Variants in HJV observed in about 807,000 individuals in gnomAD.
HJV encodes the protein hemojuvelin.
Under a neutral mutation model 22.7 loss-of-function variants are expected in HJV, and 18 were observed. That is an observed-to-expected ratio of 0.79 (90% confidence interval 0.55 to 1.18). HJV has a LOEUF of 1.18. Ranked by LOEUF, HJV falls within the 50% of genes most tolerant of loss-of-function variation. The pLI is 0.00. For missense variants in HJV, 572 were observed against 553.0 expected, an observed-to-expected ratio of 1.03 and a Z score of -0.34; for synonymous variants, 229 against 222.7, an observed-to-expected ratio of 1.03 and a Z score of -0.25.
At chr1:146,018,955 C>T (rs587603877) in intron 3 of HJV, among the ~76,000 whole-genome samples, 1 of 152,344 alleles carries the variant, frequency 6.6e-6, no homozygotes, top group South Asian at 2.1e-4. Context: ...CCCTCTCCGA[C>T]TGTCTCTTCA....
intron 1 of HJV, among the ~76,000 whole-genome samples, 164 bp downstream of exon 1, chr1:146,021,423 C>T (rs587738819): frequency 1.1e-4 from 17 of 152,178 alleles, no homozygotes; most frequent in Admixed American, 7.9e-4. Context: ...GGCCAGAGGC[C>T]AGAAAGAAAT....
At chr1:146,021,220 T>C (rs1463757181) in intron 1 of HJV, among the ~76,000 whole-genome samples, 2 of 152,182 alleles carry the variant, frequency 1.3e-5, no homozygotes, top group Admixed American at 6.5e-5. Context: ...AGGGCATTGC[T>C]AAGTGGGGGC....
At chr1:146,018,723 A>T in intron 3 of HJV, 23 bp from the exon 4 acceptor site, 1 of 1,613,808 alleles carries the variant, frequency 6.2e-7, no homozygotes, top group Admixed American at 1.7e-5. Context: ...GAGGGAAAAC[A>T]GTTCATTTTG....
chr1:146,019,941 G>A (rs1370303422), intron 2 of HJV, among the ~76,000 whole-genome samples, 194 bp downstream of exon 2: 1 of 151,982 alleles, frequency 6.6e-6, no homozygotes, highest in Non-Finnish European at 1.5e-5. Flanking sequence ...CATCTCTTCT[G>A]CCTGTCGACC....
chr1:146,019,876 A>AC (rs1389726431), intron 2 of HJV, 142 bp from the exon 3 acceptor site: 2 of 1,306,374 alleles, frequency 1.5e-6, no homozygotes, highest in Non-Finnish European at 2.2e-6. Flanking sequence ...CCAGCCCCCA[A>AC]CCCCCTAGTC....
In HJV at chr1:146,019,710, CGGAG is replaced by C; in HGVS notation, c.118_121del (p.Leu40AlafsTer11). ...GGACGATACGTACTCAGCATTGCAG[CGGAG>C]GATCTTGCATTGAGAATGAGCTAAA... On this transcript the variant is annotated frameshift_variant, in exon 3 of 4. Coordinates refer to ENST00000336751, the MANE Select transcript of HJV (RefSeq NM_213653.4). LOFTEE classifies it high-confidence loss of function. The C allele has an allele frequency of 3.7e-6, 6 of 1,614,036 alleles. No homozygotes were observed. The highest frequency in any genetic ancestry group is 5.1e-6 in the Non-Finnish European group (6 of 1,179,992).
Position 146,020,172 on chromosome 1 carries a change from T to A in HJV, c.60A>T (p.Leu20=). ...PRSSHGSPPT[L]STLTLLLLLC... ...GGAGCAGCAGGAGAGTGAGAGTGCT[T>A]AGAGTTGGGGGACTGCCATGGGAGG... Residue 20 remains leucine (L), a synonymous_variant, in exon 2 of 4, where the codon CTA becomes CTT. Transcript: ENST00000336751. 1 of 1,613,048 alleles carries A rather than the reference T, an allele frequency of 6.2e-7. No individual in the cohort carries two copies. Among genetic ancestry groups the A allele is most frequent in the Non-Finnish European group, 8.5e-7 (1 of 1,179,210 alleles).
At chr1:146,019,084 G>A (rs1241803711) in intron 3 of HJV, 91 bp downstream of exon 3, 6 of 1,063,232 alleles carry the variant, frequency 5.6e-6, no homozygotes, top group Non-Finnish European at 8.8e-6. Flanking sequence ...GGGAATTAGG[G>A]AGCATTGCTG....
chr1:146,019,180 G>C lies in HJV; in HGVS notation c.652C>G (p.Arg218Gly). ...MALGANATAT[R>G]KLTIIFKNMQ... ...AGGAAGATTGAGTGCCTGACCTTCC[G>C]GGTGGCGGTAGCGTTGGCCCCCAAC... is the stretch of plus-strand genomic sequence containing the variant. The change falls in exon 3 of 4, where the codon CGG (arginine) becomes GGG (glycine). Residue 218 changes from arginine to glycine, a missense_variant. Physicochemically the swap from Arg to Gly is moderately radical, Grantham distance 125. Transcript: ENST00000336751. The C allele has an allele frequency of 6.2e-7, 1 of 1,613,648 alleles. No homozygotes were observed. The highest frequency in any genetic ancestry group is 8.5e-7 in the Non-Finnish European group (1 of 1,179,568).
rs1553769486 is a variant in HJV, at chr1:146,018,515, A to C, written c.843T>G (p.Ile281Met). The change falls in exon 4 of 4, where the codon ATT (isoleucine) becomes ATG (methionine). Residue 281 changes from isoleucine (I) to methionine (M), a missense_variant. Transcript: ENST00000336751. Reference sequence around the variant, plus strand: ...TCTGCCGAATGATTATAGTTGTGCCAATGTAGGCAGCTTGGATCTCCACAT... The same window carrying C: ...TCTGCCGAATGATTATAGTTGTGCCCATGTAGGCAGCTTGGATCTCCACAT... ...GNHVEIQAAY[I>M]GTTIIIRQTA... 6.2e-7 allele frequency: 1 copy of C among 1,614,176 alleles called. No homozygotes were observed. The highest frequency in any genetic ancestry group is 8.5e-7 in the Non-Finnish European group (1 of 1,180,032).
chr1:146,020,271 G>C lies in HJV; in HGVS notation c.-40C>G. 3 of 1,288,508 alleles carry C rather than the reference G, an allele frequency of 2.3e-6. No individual in the cohort carries two copies. The highest frequency in any genetic ancestry group is 3.4e-6 in the Non-Finnish European group (3 of 882,898). The allele number at this position is 1,288,508 out of a possible 1,614,324, so 79.8% of individuals were successfully genotyped here. ...GTTTCCCAGGCGCCGGTTCTTCCCA[G>C]CTGATGACCCTCCTACCTAGTGAAT... On this transcript the variant is annotated 5_prime_UTR_variant, in exon 2 of 4. Coordinates refer to ENST00000336751, the MANE Select transcript of HJV (RefSeq NM_213653.4).
Position 146,019,351 on chromosome 1 carries a change from G to T in HJV, c.481C>A (p.Pro161Thr). 2 of 1,613,816 alleles carry T rather than the reference G, an allele frequency of 1.2e-6. No individual in the cohort carries two copies. The highest frequency in any genetic ancestry group is 1.7e-6 in the Non-Finnish European group (2 of 1,180,028). Reference sequence around the variant, plus strand: ...GAAGCGCAATGCAAGAACCCCGGGGGACGACCATGCAGCCGGGAAAACCGG... The same window carrying T: ...GAAGCGCAATGCAAGAACCCCGGGGTACGACCATGCAGCCGGGAAAACCGG... Reference protein sequence around the residue: ...EGRFSRLHGRPPGFLHCASFG... With the variant: ...EGRFSRLHGRTPGFLHCASFG... Residue 161 changes from proline (P) to threonine (T), a missense_variant, in exon 3 of 4, where the codon CCC becomes ACC. Transcript: ENST00000336751.
rs1553769402 is a variant in HJV, at chr1:146,018,277, AG to A, written c.1080del (p.Cys361ValfsTer6). ...CCAGAAATTAAAACATCAAAGACACAGGAATGGAAGTAAGCATCTTCCACTG... is the reference window on the plus strand; with the variant it reads ...CCAGAAATTAAAACATCAAAGACACAGAATGGAAGTAAGCATCTTCCACTG... Reference protein sequence around the residue: ...GLPVEDAYFHSCVFDVLISGD... With the variant: ...GLPVEDAYFHXCVFDVLISGD... On this transcript the variant is annotated frameshift_variant, in exon 4 of 4. Coordinates refer to ENST00000336751, the MANE Select transcript of HJV (RefSeq NM_213653.4). LOFTEE classifies it high-confidence loss of function. 6.2e-7 allele frequency: 1 copy of A among 1,614,180 alleles called. No homozygotes were observed. Among genetic ancestry groups the A allele is most frequent in the Non-Finnish European group, 8.5e-7 (1 of 1,180,034 alleles).
Position 146,018,363 on chromosome 1 carries a change from C to A in HJV, c.995G>T (p.Arg332Leu). 1 of 1,614,164 alleles carries A rather than the reference C, an allele frequency of 6.2e-7. No individual in the cohort carries two copies. Among genetic ancestry groups the A allele is most frequent in the Non-Finnish European group, 8.5e-7 (1 of 1,180,044 alleles). ...PPSQRLSRSE[R>L]NRRGAITIDT... ...AATGGTTATAGCTCCCCGACGATTG[C>A]GCTCTGATCGAGAGAGTCGCTGACT... The change falls in exon 4 of 4, where the codon CGC becomes CTC. Residue 332 changes from arginine to leucine, a missense_variant. Coordinates refer to ENST00000336751, the MANE Select transcript of HJV (RefSeq NM_213653.4).
At position 146,019,608 on chromosome 1, in the gene HJV, C is replaced by A; in HGVS notation, c.224G>T (p.Gly75Val). The change falls in exon 3 of 4, where the codon GGC becomes GTC. Residue 75 changes from glycine to valine, a missense_variant. Gly to Val is a moderately radical substitution (Grantham distance 109). Coordinates refer to ENST00000336751, the MANE Select transcript of HJV (RefSeq NM_213653.4). ...GGGGGRGGGV[G>V]SGGLCRALRS... is the part of the protein sequence containing the mutation. Reference sequence around the variant, plus strand: ...GAGGGCTCGACAGAGGCCGCCAGAGCCCACCCCTCCACCCCGGCCTCCTCC... The same window carrying A: ...GAGGGCTCGACAGAGGCCGCCAGAGACCACCCCTCCACCCCGGCCTCCTCC... 6.2e-7 allele frequency: 1 copy of A among 1,612,486 alleles called. No individual in the cohort carries two copies.
rs1054228261 is a variant in HJV, at chr1:146,019,701, G to T, written c.131C>A (p.Ala44Asp). ...HSQCKILRCNAEYVSSTLSLR... is the reference protein window; with the variant it reads ...HSQCKILRCNDEYVSSTLSLR... ...GCTCAGAGTGGACGATACGTACTCA[G>T]CATTGCAGCGGAGGATCTTGCATTG... is the stretch of plus-strand genomic sequence containing the variant. Residue 44 changes from alanine to aspartate, a missense_variant, in exon 3 of 4, where the codon GCT (alanine) becomes GAT (aspartate). Physicochemically the swap from Ala to Asp is moderately radical, Grantham distance 126 (BLOSUM62 -2). Coordinates refer to ENST00000336751, the MANE Select transcript of HJV (RefSeq NM_213653.4). The T allele has an allele frequency of 6.2e-7, 1 of 1,614,052 alleles. No homozygotes were observed. Among genetic ancestry groups the T allele is most frequent in the Non-Finnish European group, 8.5e-7 (1 of 1,179,972 alleles).
At chr1:146,019,787 C>A in intron 2 of HJV, 53 bp from the exon 3 acceptor site, 1 of 1,613,360 alleles carries the variant, frequency 6.2e-7, no homozygotes, top group Non-Finnish European at 8.5e-7. Flanking sequence ...TCTGCTCTAT[C>A]GGAGTGTAGT....
chr1:146,018,309 C>A lies in HJV; in HGVS notation c.1049G>T (p.Gly350Val), dbSNP rs1553769409. 2 of 1,614,044 alleles carry A rather than the reference C, an allele frequency of 1.2e-6. No homozygotes were observed. Among genetic ancestry groups the A allele is most frequent in the Non-Finnish European group, 1.7e-6 (2 of 1,180,044 alleles). Reference sequence around the variant, plus strand: ...GAAGTAAGCATCTTCCACTGGAAGCCCTTCCTTGCACAGCCGTCTGGCAGT... The same window carrying A: ...GAAGTAAGCATCTTCCACTGGAAGCACTTCCTTGCACAGCCGTCTGGCAGT... ...IDTARRLCKEGLPVEDAYFHS... is the reference protein window; with the variant it reads ...IDTARRLCKEVLPVEDAYFHS... Residue 350 changes from glycine to valine, a missense_variant, in exon 4 of 4, where the codon GGG (glycine) becomes GTG (valine). Transcript: ENST00000336751.
rs1410108034 is a variant in HJV, at chr1:146,017,923, T to G, written c.*154A>C. 4.0e-5 allele frequency: 34 copies of G among 843,382 alleles called. No homozygotes were observed. The highest frequency in any genetic ancestry group is 6.4e-5 in the Non-Finnish European group (34 of 531,428). 52.2% of individuals were successfully genotyped at this position (843,382 alleles called of 1,614,324 possible). On this transcript the variant is annotated 3_prime_UTR_variant, in exon 4 of 4. Coordinates refer to ENST00000336751, the MANE Select transcript of HJV (RefSeq NM_213653.4). ...CCCAGAATCCTTATTCTGTGATAAT[T>G]TCAACCCTGGACTGCAGCCTCATCT...
Sources: allele counts gnomAD v4.1 joint callset (sites outside exome capture counted in the v4.1 genomes callset), GRCh38; gene constraint gnomAD v4.1.1; transcripts MANE v1.5; gene names NCBI Gene and HGNC (gene_info 2026-07-23, HGNC 2026-07-21).